The following LAMTOR3 variants were observed in gnomAD, a reference collection of about 807,000 sequenced individuals.
The protein encoded by LAMTOR3 is late endosomal/lysosomal adaptor, MAPK and MTOR activator 3.
In LAMTOR3, 14 loss-of-function variants were observed where a neutral mutation model predicts 20.3. That is an observed-to-expected ratio of 0.69 (90% confidence interval 0.46 to 1.08). The LOEUF is 1.08. Ranked by LOEUF, LAMTOR3 falls within the 50% of genes least tolerant of loss-of-function variation. The probability of loss-of-function intolerance (pLI) is 0.00; values close to 1 mark genes in which losing one functional copy is unlikely to be tolerated. For missense variants in LAMTOR3, 125 were observed against 143.7 expected (o/e 0.87, Z 0.67); for synonymous variants, 40 against 49.4 (o/e 0.81, Z 0.80).
At chr4:99,891,837 G>T (rs1375293483) in intron 3 of LAMTOR3, among the ~76,000 whole-genome samples, 163 bp downstream of exon 3, 1 of 152,160 alleles carries the variant, frequency 6.6e-6, no homozygotes, top group African/African-American at 2.4e-5. Flanking sequence ...GAGGAAAGCG[G>T]TTGTGACGAA....
intron 3 of LAMTOR3, among the ~76,000 whole-genome samples, chr4:99,887,913 A>G (rs958746962): frequency 6.6e-5 from 10 of 152,244 alleles, no homozygotes; most frequent in African/African-American, 2.2e-4. Flanking sequence ...CCTAGAAAAG[A>G]GGAGGCTGAT....
At chr4:99,889,490 A>C (rs1462149354) in intron 3 of LAMTOR3, among the ~76,000 whole-genome samples, 1 of 152,238 alleles carries the variant, frequency 6.6e-6, no homozygotes, top group African/African-American at 2.4e-5. Context: ...TTACATTCTT[A>C]AGTGAAAAAA....
chr4:99,894,472 C>T (rs1163517130), upstream of LAMTOR3: 1 of 152,198 alleles, frequency 6.6e-6, no homozygotes, highest in African/African-American at 2.4e-5. Flanking sequence ...CCGCCGTCGC[C>T]CTACGATACG....
rs1436672468 is a variant in LAMTOR3, at chr4:99,894,000, C to A, written c.-37G>T. 4 of 1,520,144 alleles carry A rather than the reference C, an allele frequency of 2.6e-6. No homozygotes were observed. Among genetic ancestry groups the A allele is most frequent in the Admixed American group, 1.9e-5 (1 of 52,206 alleles). 94.2% of individuals were successfully genotyped at this position (1,520,144 alleles called of 1,614,324 possible). ...TTCTCTCGCAGGATCAATCTCCACGCCTGGAAGAGAAACTCCCGGTGACTC... is the reference window on the plus strand; with the variant it reads ...TTCTCTCGCAGGATCAATCTCCACGACTGGAAGAGAAACTCCCGGTGACTC... On this transcript the variant is annotated splice_region_variant and 5_prime_UTR_variant, in exon 2 of 7. Transcript: ENST00000499666.
intron 4 of LAMTOR3, among the ~76,000 whole-genome samples, chr4:99,886,623 G>A (rs761105794): frequency 2.6e-5 from 4 of 152,164 alleles, no homozygotes; most frequent in African/African-American, 9.6e-5. Context: ...TACATTAGTT[G>A]ACTTCTAAAC....
At chr4:99,892,307 T>C (rs1725036778) in intron 2 of LAMTOR3, among the ~76,000 whole-genome samples, 1 of 152,246 alleles carries the variant, frequency 6.6e-6, no homozygotes, top group African/African-American at 2.4e-5. Context: ...ATTGAGAAGA[T>C]GCATGGATTA....
chr4:99,888,927 G>A (rs1230279156), intron 3 of LAMTOR3, among the ~76,000 whole-genome samples: 7 of 151,996 alleles, frequency 4.6e-5, no homozygotes, highest in East Asian at 3.9e-4. Context: ...AACATAGGCC[G>A]GGCACAGTGG....
chr4:99,882,139 A>C, intron 6 of LAMTOR3, 72 bp from the exon 7 acceptor site: 1 of 853,792 alleles, frequency 1.2e-6, no homozygotes. Context: ...AGATTTCCTT[A>C]TGTCCAAAAT....
At position 99,881,869 on chromosome 4, in the gene LAMTOR3, A is replaced by G. The variant is rs551313105; in HGVS notation, c.*125T>C. ...TACATCTATATGCTAGCTCTTTAGT[A>G]TAAGTTGGAAAAAGGGGCCCTTTCT... On this transcript the variant is annotated 3_prime_UTR_variant, in exon 7 of 7. Transcript: ENST00000499666. The G allele has an allele frequency of 8.6e-5, 58 of 675,876 alleles. No homozygotes were observed. The highest frequency in any genetic ancestry group is 1.5e-4 in the Non-Finnish European group (56 of 380,988). 41.9% of individuals were successfully genotyped at this position (675,876 alleles called of 1,614,324 possible).
chr4:99,891,419 C>G (rs1725020491), intron 3 of LAMTOR3, among the ~76,000 whole-genome samples: 1 of 152,194 alleles, frequency 6.6e-6, no homozygotes, highest in South Asian at 2.1e-4. Flanking sequence ...ACTTTTCTAA[C>G]TCTTTAGTCC....
intron 1 of LAMTOR3, 86 bp from the exon 2 acceptor site, chr4:99,894,086 T>TTCTGAC: frequency 2.3e-6 from 2 of 884,310 alleles, no homozygotes; most frequent in Non-Finnish European, 3.3e-6. Flanking sequence ...TCAGCCCTGG[T>TTCTGAC]CAGAACCAGG....
rs998816087 is a variant in LAMTOR3, at chr4:99,881,042, G to T, written c.*952C>A. On this transcript the variant is annotated 3_prime_UTR_variant, in exon 7 of 7. Coordinates refer to ENST00000499666, the MANE Select transcript of LAMTOR3 (RefSeq NM_021970.4). ...CAATCTTGGCTGACTGCAATCTCAG[G>T]TTTCTTTTCCAGTTAACAGTTCATA... The T allele has an allele frequency of 6.6e-6, 1 of 152,040 alleles. No homozygotes were observed. The highest frequency in any genetic ancestry group is 6.6e-5 in the Admixed American group (1 of 15,256). 9.4% of individuals were successfully genotyped at this position (152,040 alleles called of 1,614,324 possible).
chr4:99,892,701 G>A (rs1415426849), intron 2 of LAMTOR3, among the ~76,000 whole-genome samples: 1 of 140,534 alleles, frequency 7.1e-6, no homozygotes, highest in East Asian at 2.0e-4. Context: ...TTTTTGAGAC[G>A]GAGTTTCGCT....
chr4:99,893,984 A>AG lies in LAMTOR3; in HGVS notation c.-22dup. The AG allele has an allele frequency of 6.5e-7, 1 of 1,539,166 alleles. No individual in the cohort carries two copies. The highest frequency in any genetic ancestry group is 8.8e-7 in the Non-Finnish European group (1 of 1,138,186). On this transcript the variant is annotated 5_prime_UTR_variant, in exon 2 of 7. Coordinates refer to ENST00000499666, the MANE Select transcript of LAMTOR3 (RefSeq NM_021970.4). ...GCCATGATGAACCCCCTTCTCTCGCAGGATCAATCTCCACGCCTGGAAGAG... is the reference window on the plus strand; with the variant it reads ...GCCATGATGAACCCCCTTCTCTCGCAGGGATCAATCTCCACGCCTGGAAGAG...
intron 4 of LAMTOR3, among the ~76,000 whole-genome samples, chr4:99,886,751 G>A (rs952722276): frequency 6.6e-6 from 1 of 152,056 alleles, no homozygotes; most frequent in Admixed American, 6.6e-5. Context: ...AGCCACTATA[G>A]TGTCCCAATA....
intron 2 of LAMTOR3, 31 bp downstream of exon 2, chr4:99,893,924 C>G: frequency 6.8e-7 from 1 of 1,474,368 alleles, no homozygotes; most frequent in Non-Finnish European, 9.1e-7. Flanking sequence ...TCCCCACTCT[C>G]CCCTTCCTCT....
chr4:99,883,836 A>G (rs1244782065), intron 6 of LAMTOR3, among the ~76,000 whole-genome samples: 1 of 152,036 alleles, frequency 6.6e-6, no homozygotes, highest in Non-Finnish European at 1.5e-5. Flanking sequence ...CTAGAAAATA[A>G]CATTGTAAGA....
In LAMTOR3 at chr4:99,894,371, A is replaced by C; in HGVS notation, c.-74T>G. 1 of 180,556 alleles carries C rather than the reference A, an allele frequency of 5.5e-6. No individual in the cohort carries two copies. Among genetic ancestry groups the C allele is most frequent in the Non-Finnish European group, 1.2e-5 (1 of 86,916 alleles). The allele number at this position is 180,556 out of a possible 1,614,324, so 11.2% of individuals were successfully genotyped here. A position where few individuals can be genotyped will look rare whatever the true frequency, so the allele number is the denominator to read the frequency against. On this transcript the variant is annotated 5_prime_UTR_variant, in exon 1 of 7. Transcript: ENST00000499666. ...GGGCTGCCTGGTTCTCTCCGCTGTCACTTCAGGGACAGCTTTAAAGACAGG... is the reference window on the plus strand; with the variant it reads ...GGGCTGCCTGGTTCTCTCCGCTGTCCCTTCAGGGACAGCTTTAAAGACAGG...
intron 3 of LAMTOR3, among the ~76,000 whole-genome samples, chr4:99,890,502 C>T (rs1056759758): frequency 6.6e-6 from 1 of 152,090 alleles, no homozygotes; most frequent in African/African-American, 2.4e-5. Context: ...CAAATCAAAG[C>T]GTATATTCTA....
Sources: allele counts gnomAD v4.1 joint callset (sites outside exome capture counted in the v4.1 genomes callset), GRCh38; gene constraint gnomAD v4.1.1; transcripts MANE v1.5; gene names NCBI Gene and HGNC (gene_info 2026-07-23, HGNC 2026-07-21).